GALNT13: variants seen among roughly 807,000 people sequenced by gnomAD.
The protein encoded by GALNT13 is polypeptide N-acetylgalactosaminyltransferase 13, also known as UDP-GalNAc:polypeptide N-acetylgalactosaminyltransferase 13.
Under a neutral mutation model 64.2 loss-of-function variants are expected in GALNT13, and 28 were observed. The ratio of observed to expected loss-of-function variants is 0.44; its 90% CI spans 0.32 to 0.60. The LOEUF is 0.60. Among genes scored for constraint, GALNT13 ranks in the 20% least tolerant of loss-of-function variants. The pLI is 0.05. For missense variants in GALNT13, 577 were observed against 669.8 expected (o/e 0.86, Z 1.53); for synonymous variants, 214 against 224.6 (o/e 0.95, Z 0.42).
chr2:153,304,305 C>G, the GALNT13 span, among the ~76,000 whole-genome samples: 1 of 151,942 alleles, frequency 6.6e-6, no homozygotes, highest in East Asian at 1.9e-4. Context: ...TTGGATGCTG[C>G]TTCTCTGCTG....
the GALNT13 span, among the ~76,000 whole-genome samples, chr2:153,310,342 T>G: frequency 6.6e-6 from 1 of 152,294 alleles, no homozygotes; most frequent in Admixed American, 6.5e-5. Flanking sequence ...TCATGATAAC[T>G]TATTCTGAAT....
intron 8 of GALNT13, among the ~76,000 whole-genome samples, chr2:154,259,376 A>C (rs964595676): frequency 6.6e-6 from 1 of 152,208 alleles, no homozygotes; most frequent in Non-Finnish European, 1.5e-5. Context: ...TCACAGTAAA[A>C]ATACATTAGG....
chr2:153,310,555 C>T, the GALNT13 span, among the ~76,000 whole-genome samples: 1 of 152,122 alleles, frequency 6.6e-6, no homozygotes, highest in Non-Finnish European at 1.5e-5. Flanking sequence ...AATATATTTT[C>T]TCTTCCTTAT....
Position 153,931,602 on chromosome 2 carries a change from A to T in GALNT13, c.-104-12792A>T, listed in dbSNP as rs139949361. 5.4e-3 allele frequency among the ~76,000 whole-genome samples: 820 copies of T among 152,232 alleles called. 5 individuals carry two copies. The highest frequency in any genetic ancestry group is 0.018 in the African/African-American group (753 of 41,534). Reference sequence around the variant, plus strand: ...GAAAACTTTTTCTGTGTCTATCAAGATGATCATGTGGTTTTTATTTTTAGT... The same window carrying T: ...GAAAACTTTTTCTGTGTCTATCAAGTTGATCATGTGGTTTTTATTTTTAGT... On this transcript the variant is annotated intron_variant, in intron 2 of 12. Coordinates refer to ENST00000392825, the MANE Select transcript of GALNT13 (RefSeq NM_052917.4).
At chr2:154,144,265 A>C (rs192813303) in intron 4 of GALNT13, among the ~76,000 whole-genome samples, 1 of 152,290 alleles carries the variant, frequency 6.6e-6, no homozygotes, top group Admixed American at 6.5e-5. Flanking sequence ...CTGCCTGGGA[A>C]CAACTAATGT....
At chr2:154,106,994 A>C (rs912953425) in intron 3 of GALNT13, among the ~76,000 whole-genome samples, 4 of 152,082 alleles carry the variant, frequency 2.6e-5, no homozygotes, top group Non-Finnish European at 4.4e-5. Flanking sequence ...TTCTCACTCT[A>C]TTAGTTCCCA....
At chr2:153,870,359 T>A (rs1164728898), upstream of GALNT13, among the ~76,000 whole-genome samples, 1 of 152,132 alleles carries the variant, frequency 6.6e-6, no homozygotes, top group Non-Finnish European at 1.5e-5. Flanking sequence ...AATGGGGGCT[T>A]ATTTGTCTTT....
chr2:153,777,762 A>C, the GALNT13 span, among the ~76,000 whole-genome samples: 1 of 152,066 alleles, frequency 6.6e-6, no homozygotes, highest in Non-Finnish European at 1.5e-5. Context: ...CTAGGGGTGG[A>C]TGTTTACAGC....
At chr2:154,306,478 G>A (rs543882323) in intron 9 of GALNT13, among the ~76,000 whole-genome samples, 1 of 152,176 alleles carries the variant, frequency 6.6e-6, no homozygotes, top group African/African-American at 2.4e-5. Flanking sequence ...AGACATAGCT[G>A]ATTTATGAAG....
At chr2:153,407,579 T>G in the GALNT13 span, among the ~76,000 whole-genome samples, 1 of 152,216 alleles carries the variant, frequency 6.6e-6, no homozygotes, top group East Asian at 1.9e-4. Context: ...AAATCATATA[T>G]AACTTATTAA....
At chr2:153,113,438 T>C in the GALNT13 span, among the ~76,000 whole-genome samples, 1 of 152,052 alleles carries the variant, frequency 6.6e-6, no homozygotes, top group African/African-American at 2.4e-5. Flanking sequence ...TTTATAGCTC[T>C]AGTGCAGTTA....
At chr2:153,659,984 T>A in the GALNT13 span, among the ~76,000 whole-genome samples, 1 of 152,178 alleles carries the variant, frequency 6.6e-6, no homozygotes, top group Non-Finnish European at 1.5e-5. Context: ...TTGTCTTCCA[T>A]GGGCCTTACA....
At chr2:153,825,015 C>A in the GALNT13 span, among the ~76,000 whole-genome samples, 1 of 152,178 alleles carries the variant, frequency 6.6e-6, no homozygotes, top group African/African-American at 2.4e-5. Context: ...TTATAAACTA[C>A]CCAGTCTCAG....
chr2:153,633,929 T>C, the GALNT13 span, among the ~76,000 whole-genome samples: 12 of 152,214 alleles, frequency 7.9e-5, no homozygotes, highest in Non-Finnish European at 1.6e-4. Context: ...CTTTTAATAA[T>C]TTCCGATGTC....
chr2:153,719,681 A>T, the GALNT13 span, among the ~76,000 whole-genome samples: 1 of 152,040 alleles, frequency 6.6e-6, no homozygotes, highest in Non-Finnish European at 1.5e-5. Context: ...TCCCTTTCCG[A>T]GTCAAAGAAA....
the GALNT13 span, among the ~76,000 whole-genome samples, chr2:153,773,049 C>T: frequency 6.6e-6 from 1 of 152,198 alleles, no homozygotes; most frequent in African/African-American, 2.4e-5. Flanking sequence ...CTGCAATTGG[C>T]CACAGCTGCT....
At chr2:153,683,952 C>G in the GALNT13 span, among the ~76,000 whole-genome samples, 5 of 151,586 alleles carry the variant, frequency 3.3e-5, no homozygotes, top group African/African-American at 1.2e-4. Flanking sequence ...CCTCTCACCT[C>G]CAGCTATCAC....
Position 153,907,744 on chromosome 2 carries a change from G to T in GALNT13, c.-105+6737G>T, listed in dbSNP as rs530486603. 5.7e-4 allele frequency among the ~76,000 whole-genome samples: 86 copies of T among 151,802 alleles called. 1 individual carries two copies. The highest frequency in any genetic ancestry group is 3.4e-3 in the Middle Eastern group (1 of 294). On this transcript the variant is annotated intron_variant, in intron 2 of 12. Coordinates refer to ENST00000392825, the MANE Select transcript of GALNT13 (RefSeq NM_052917.4). ...GCAAAGGATATGATCTAATTTTTTT[G>T]TGTGTGTGGCTGTATAGTTTTCCAT...
the GALNT13 span, among the ~76,000 whole-genome samples, chr2:153,584,093 T>C: frequency 1.3e-5 from 2 of 151,924 alleles, no homozygotes; most frequent in Non-Finnish European, 2.9e-5. Flanking sequence ...CATGAGAAAA[T>C]GTAAGTCCCA....
Sources: gnomAD v4.1 joint callset for allele counts (sites outside exome capture counted in the v4.1 genomes callset) on GRCh38, gnomAD v4.1.1 for gene constraint, MANE v1.5 for transcripts, NCBI Gene and HGNC (gene_info 2026-07-23, HGNC 2026-07-21) for gene names.